DCC: variants seen among roughly 807,000 people sequenced by gnomAD.
The protein encoded by DCC is netrin receptor DCC.
DCC carries 58 observed loss-of-function variants against 172.5 expected under a neutral mutation model. The observed-to-expected ratio is 0.34, with a 90% CI of 0.27 to 0.42. The LOEUF is 0.42. Ranked by LOEUF, DCC falls within the 10% of genes least tolerant of loss-of-function variation. The pLI is 1.00. For missense variants in DCC, 1,740 were observed against 1,791.0 expected (o/e 0.97, Z 0.51); for synonymous variants, 709 against 644.5 (o/e 1.10, Z -1.52).
intron 27 of DCC, among the ~76,000 whole-genome samples, chr18:53,501,147 G>T (rs2144462014): frequency 6.6e-6 from 1 of 152,288 alleles, no homozygotes; most frequent in East Asian, 1.9e-4. Flanking sequence ...AATTGCAACT[G>T]CTAACAATAA....
At chr18:52,635,196 A>AAGG (rs2034750745) in intron 1 of DCC, among the ~76,000 whole-genome samples, 1 of 152,174 alleles carries the variant, frequency 6.6e-6, no homozygotes, top group Admixed American at 6.5e-5. Context: ...TCTTCTTTTC[A>AAGG]CAGGTTTTGA....
At chr18:53,358,265 C>T (rs2057900881) in intron 15 of DCC, among the ~76,000 whole-genome samples, 1 of 151,738 alleles carries the variant, frequency 6.6e-6, no homozygotes, top group Non-Finnish European at 1.5e-5. Context: ...GCATTATTAT[C>T]TGAGTTACAG....
At chr18:52,857,762 T>A (rs1322266851) in intron 2 of DCC, among the ~76,000 whole-genome samples, 1 of 152,190 alleles carries the variant, frequency 6.6e-6, no homozygotes, top group Non-Finnish European at 1.5e-5. Context: ...GTTTGAATAG[T>A]CAAGTTTTCT....
chr18:53,280,623 A>G (rs1821074), intron 12 of DCC, among the ~76,000 whole-genome samples: 6,577 of 151,946 alleles, frequency 0.043, 429 homozygotes, highest in African/African-American at 0.15. Context: ...TCTGTGATAG[A>G]TTTTCTCTGG....
chr18:52,700,049 A>C (rs1177486106), intron 1 of DCC, among the ~76,000 whole-genome samples: 5 of 44,594 alleles, frequency 1.1e-4, no homozygotes, highest in Non-Finnish European at 2.3e-4. Context: ...CTGTTTATGC[A>C]AAAAAAAAAA....
At chr18:53,397,706 T>A (rs1288180514) in intron 18 of DCC, among the ~76,000 whole-genome samples, 1 of 152,224 alleles carries the variant, frequency 6.6e-6, no homozygotes, top group African/African-American at 2.4e-5. Context: ...GGGATCTGAC[T>A]ATAAATCTTC....
chr18:53,176,175 A>G (rs2055090379), intron 8 of DCC, among the ~76,000 whole-genome samples: 1 of 131,230 alleles, frequency 7.6e-6, no homozygotes, highest in South Asian at 2.8e-4. Flanking sequence ...ACAAAAATCA[A>G]TTCAAGATGG....
intron 1 of DCC, among the ~76,000 whole-genome samples, chr18:52,560,037 C>G (rs1436619193): frequency 6.6e-6 from 1 of 152,108 alleles, no homozygotes; most frequent in Admixed American, 6.5e-5. Flanking sequence ...CCATGCCCCA[C>G]CATTTTTATT....
intron 23 of DCC, 72 bp downstream of exon 23, chr18:53,450,734 T>C: frequency 8.0e-7 from 1 of 1,255,378 alleles, no homozygotes; most frequent in Non-Finnish European, 1.2e-6. Context: ...TGGTCCTCTT[T>C]CTGCGTTCTT....
At chr18:52,377,685 A>T (rs1012544144) in intron 1 of DCC, among the ~76,000 whole-genome samples, 1 of 150,908 alleles carries the variant, frequency 6.6e-6, no homozygotes, top group Non-Finnish European at 1.5e-5. Context: ...AGAAAAAAAA[A>T]ACTATTAAGC....
intron 12 of DCC, among the ~76,000 whole-genome samples, chr18:53,246,524 GA>G (rs555491080): frequency 1.1e-3 from 151 of 143,600 alleles, no homozygotes; most frequent in South Asian, 3.5e-3. Context: ...ACTTAGTGAA[GA>G]AAAAAAAAAC....
chr18:53,183,222 G>T (rs2055224098), intron 9 of DCC, among the ~76,000 whole-genome samples: 1 of 152,074 alleles, frequency 6.6e-6, no homozygotes, highest in South Asian at 2.1e-4. Flanking sequence ...TTCTAAAAGT[G>T]CATACATTTT....
intron 1 of DCC, among the ~76,000 whole-genome samples, chr18:52,465,311 A>C (rs1451653617): frequency 1.3e-5 from 2 of 152,094 alleles, no homozygotes; most frequent in East Asian, 3.9e-4. Context: ...AAGATTGGGG[A>C]ACTGGTATAA....
chr18:52,767,401 C>T (rs1373611477), intron 2 of DCC, among the ~76,000 whole-genome samples: 1 of 152,114 alleles, frequency 6.6e-6, no homozygotes, highest in Non-Finnish European at 1.5e-5. Flanking sequence ...ATGTAAACTA[C>T]CTATTGGCCA....
intron 5 of DCC, among the ~76,000 whole-genome samples, chr18:53,000,821 A>G (rs2041554487): frequency 6.6e-6 from 1 of 151,992 alleles, no homozygotes; most frequent in Non-Finnish European, 1.5e-5. Flanking sequence ...AACCGGTATT[A>G]AAATTAAATT....
chr18:52,683,752 CT>C (rs1406399899), intron 1 of DCC, among the ~76,000 whole-genome samples: 3 of 152,042 alleles, frequency 2.0e-5, no homozygotes, highest in African/African-American at 7.2e-5. Context: ...CAGTACCTTC[CT>C]TTGCATAACC....
chr18:53,031,899 C>T (rs1161192732), intron 5 of DCC, among the ~76,000 whole-genome samples: 1 of 151,624 alleles, frequency 6.6e-6, no homozygotes, highest in Non-Finnish European at 1.5e-5. Context: ...GCAAGTTTAA[C>T]TAATTTTAAT....
chr18:53,264,191 T>G (rs546113349), intron 12 of DCC, among the ~76,000 whole-genome samples: 1 of 152,132 alleles, frequency 6.6e-6, no homozygotes, highest in South Asian at 2.1e-4. Flanking sequence ...GGAAGCAGTA[T>G]TTAAAAGAAA....
intron 12 of DCC, among the ~76,000 whole-genome samples, chr18:53,298,570 G>T (rs1199817492): frequency 1.4e-5 from 2 of 145,992 alleles, no homozygotes; most frequent in African/African-American, 5.0e-5. Context: ...CTTGCAGAAG[G>T]TCACTCAGCA....
Sources: allele counts gnomAD v4.1 joint callset (sites outside exome capture counted in the v4.1 genomes callset), GRCh38; gene constraint gnomAD v4.1.1; transcripts MANE v1.5; gene names NCBI Gene and HGNC (gene_info 2026-07-23, HGNC 2026-07-21).